SLC4A4: variants seen among roughly 807,000 people sequenced by gnomAD.
The protein encoded by SLC4A4 is solute carrier family 4 member 4, also known as electrogenic sodium bicarbonate cotransporter 1.
Under a neutral mutation model 111.5 loss-of-function variants are expected in SLC4A4, and 27 were observed. The observed-to-expected ratio is 0.24, with a 90% CI of 0.18 to 0.33. The LOEUF (loss-of-function observed/expected upper bound fraction) is 0.33, where lower values mean the gene tolerates loss of function less well. Ranked by LOEUF, SLC4A4 falls within the 10% of genes least tolerant of loss-of-function variation. SLC4A4 has a pLI of 1.00. For synonymous variants in SLC4A4, 443 were observed against 463.4 expected (o/e 0.96, Z 0.57); for missense variants, 909 against 1,315.5 (o/e 0.69, Z 4.78).
chr4:71,437,945 G>T, intron 7 of SLC4A4: 1 of 159,928 alleles, frequency 6.3e-6, no homozygotes, highest in Non-Finnish European at 1.4e-5. Flanking sequence ...TCACGCAAGA[G>T]GCAAATGGAT....
intron 16 of SLC4A4, among the ~76,000 whole-genome samples, chr4:71,522,423 A>C (rs896075985): frequency 1.3e-5 from 2 of 152,224 alleles, no homozygotes; most frequent in African/African-American, 4.8e-5. Flanking sequence ...GGCAAATGAA[A>C]ACCATAGCTT....
In SLC4A4 at chr4:71,567,583, T is replaced by G. The variant is rs3816468; in HGVS notation, c.*37-205T>G. On this transcript the variant is annotated intron_variant, in intron 25 of 25. Transcript: ENST00000264485. Reference sequence around the variant, plus strand: ...ATTAATTTAATCTAGGTATGAGATCTTATGAATTTTTTTACTTGAATTTCT... The same window carrying G: ...ATTAATTTAATCTAGGTATGAGATCGTATGAATTTTTTTACTTGAATTTCT... Among the ~76,000 whole-genome samples the G allele has an allele frequency of 0.25, 37,305 of 151,660 alleles. 4,903 individuals are homozygous for G. Among genetic ancestry groups the G allele is most frequent in the Admixed American group, 0.37 (5,679 of 15,190 alleles).
At chr4:71,366,587 A>G (rs1161192426) in intron 6 of SLC4A4, among the ~76,000 whole-genome samples, 3 of 152,170 alleles carry the variant, frequency 2.0e-5, no homozygotes, top group Admixed American at 1.3e-4. Context: ...TTTATACCTG[A>G]AGTCAGGCAA....
intron 1 of SLC4A4, among the ~76,000 whole-genome samples, chr4:71,076,348 T>C (rs931952577): frequency 1.3e-5 from 2 of 152,060 alleles, no homozygotes; most frequent in African/African-American, 4.8e-5. Flanking sequence ...CTGGCCAACA[T>C]AGTGAAACCC....
At chr4:71,311,067 T>G (rs1272452569) in intron 3 of SLC4A4, among the ~76,000 whole-genome samples, 1 of 152,164 alleles carries the variant, frequency 6.6e-6, no homozygotes, top group African/African-American at 2.4e-5. Context: ...AAACAGGCTT[T>G]AAGCCAAAAA....
In SLC4A4 at chr4:71,557,791, G is replaced by T; in HGVS notation, c.2843G>T (p.Arg948Leu). 6.2e-7 allele frequency: 1 copy of T among 1,612,638 alleles called. No individual in the cohort carries two copies. The highest frequency in any genetic ancestry group is 1.3e-5 in the African/African-American group (1 of 74,906). Reference protein sequence around the residue: ...DFIYLRHVPLRRVHLFTFLQV... With the variant: ...DFIYLRHVPLLRVHLFTFLQV... Reference sequence around the variant, plus strand: ...ATCTACCTGCGTCATGTTCCTCTGCGCAGAGTCCACCTGTTCACTTTCCTG... The same window carrying T: ...ATCTACCTGCGTCATGTTCCTCTGCTCAGAGTCCACCTGTTCACTTTCCTG... The change falls in exon 22 of 26, where the codon CGC becomes CTC. Residue 948 changes from arginine (R) to leucine (L), a missense_variant. Arg to Leu is a moderately radical substitution (Grantham distance 102). Coordinates refer to ENST00000264485, the MANE Select transcript of SLC4A4 (RefSeq NM_001098484.3).
intron 20 of SLC4A4, among the ~76,000 whole-genome samples, chr4:71,552,563 A>G (rs902348502): frequency 2.0e-5 from 3 of 151,932 alleles, no homozygotes; most frequent in South Asian, 4.1e-4. Context: ...GTAGAACTGC[A>G]TTCACCAGAA....
intron 3 of SLC4A4, among the ~76,000 whole-genome samples, chr4:71,324,425 A>C (rs959621781): frequency 2.0e-4 from 30 of 152,018 alleles, no homozygotes; most frequent in Non-Finnish European, 4.0e-4. Context: ...ATAATTAATA[A>C]AAGAAGCAGC....
At position 71,530,703 on chromosome 4, in the gene SLC4A4, G is replaced by C. The variant is rs772626130; in HGVS notation, c.2167-1359G>C. 5.5e-4 allele frequency among the ~76,000 whole-genome samples: 83 copies of C among 152,008 alleles called. 2 individuals are homozygous for C. The highest frequency in any genetic ancestry group is 7.6e-4 in the Non-Finnish European group (52 of 67,992). On this transcript the variant is annotated intron_variant, in intron 16 of 25. Coordinates refer to ENST00000264485, the MANE Select transcript of SLC4A4 (RefSeq NM_001098484.3). ...AGTTAGTATCAGGCTCCTGACACCT[G>C]GTAAAGGTCAAGCATTGAACACTAG... is the stretch of plus-strand genomic sequence containing the variant.
intron 23 of SLC4A4, among the ~76,000 whole-genome samples, chr4:71,560,634 T>A (rs916219819): frequency 6.6e-6 from 1 of 151,804 alleles, no homozygotes; most frequent in Non-Finnish European, 1.5e-5. Context: ...CAATTTTATG[T>A]AATTTTAAGC....
intron 6 of SLC4A4, among the ~76,000 whole-genome samples, chr4:71,357,604 C>G (rs751030962): frequency 7.9e-5 from 12 of 152,150 alleles, no homozygotes; most frequent in Non-Finnish European, 1.3e-4. Flanking sequence ...AATCTCCTAT[C>G]ACAAAGTGTT....
chr4:71,429,966 C>T (rs551104620), intron 7 of SLC4A4, among the ~76,000 whole-genome samples: 4 of 152,148 alleles, frequency 2.6e-5, no homozygotes, highest in Non-Finnish European at 4.4e-5. Flanking sequence ...TTATTGTTCA[C>T]AGTTTATTGT....
chr4:71,440,313 G>A (rs749248498), intron 7 of SLC4A4, among the ~76,000 whole-genome samples: 4 of 151,908 alleles, frequency 2.6e-5, no homozygotes, highest in Non-Finnish European at 5.9e-5. Flanking sequence ...ACAACTTTTC[G>A]TTGAGTGAAT....
intron 13 of SLC4A4, among the ~76,000 whole-genome samples, chr4:71,471,872 C>T (rs745361217): frequency 2.0e-5 from 3 of 151,822 alleles, no homozygotes; most frequent in East Asian, 1.9e-4. Context: ...AGATGTTGGT[C>T]GCAAGATGCT....
chr4:71,067,764 T>C (rs1741559659), intron 1 of SLC4A4, among the ~76,000 whole-genome samples: 1 of 152,100 alleles, frequency 6.6e-6, no homozygotes, highest in Admixed American at 6.5e-5. Flanking sequence ...TTTTTTTTTT[T>C]TGAGTTGGGG....
At chr4:71,539,883 G>C (rs984923213) in intron 18 of SLC4A4, among the ~76,000 whole-genome samples, 1 of 152,066 alleles carries the variant, frequency 6.6e-6, no homozygotes, top group African/African-American at 2.4e-5. Context: ...ATGGCTCTCA[G>C]TTGTTACACT....
chr4:71,377,103 T>G (rs1435622579), intron 6 of SLC4A4, among the ~76,000 whole-genome samples: 1 of 152,194 alleles, frequency 6.6e-6, no homozygotes, highest in Non-Finnish European at 1.5e-5. Flanking sequence ...ATTTAAAAAT[T>G]TTTAGTTTTA....
chr4:71,511,667 C>G lies in SLC4A4; in HGVS notation c.2166+13975C>G, dbSNP rs138665987. ...GGGTATCTATCACCCATTTTCAATA[C>G]ATTTTTGTTAAGTATAGTCACTCTA... is the stretch of plus-strand genomic sequence containing the variant. On this transcript the variant is annotated intron_variant, in intron 16 of 25. Transcript: ENST00000264485. Among the ~76,000 whole-genome samples the G allele has an allele frequency of 2.0e-3, 300 of 152,178 alleles. 1 individual carries two copies. The highest frequency in any genetic ancestry group is 3.1e-3 in the Non-Finnish European group (210 of 67,978).
At chr4:71,216,199 A>G (rs767445602) in intron 1 of SLC4A4, among the ~76,000 whole-genome samples, 1 of 152,078 alleles carries the variant, frequency 6.6e-6, no homozygotes, top group Non-Finnish European at 1.5e-5. Flanking sequence ...GTGAGCCACA[A>G]CTCCCAGCTA....
Sources: allele counts gnomAD v4.1 joint callset (sites outside exome capture counted in the v4.1 genomes callset), GRCh38; gene constraint gnomAD v4.1.1; transcripts MANE v1.5; gene names NCBI Gene and HGNC (gene_info 2026-07-23, HGNC 2026-07-21).